RMDN2: variants seen among roughly 807,000 people sequenced by gnomAD.
RMDN2 encodes the protein regulator of microtubule dynamics 2, also known as regulator of microtubule dynamics protein 2.
In RMDN2, 61 loss-of-function variants were observed where a neutral mutation model predicts 52.8. That is an observed-to-expected ratio of 1.16 (90% CI 0.94 to 1.43). The LOEUF (loss-of-function observed/expected upper bound fraction) is 1.43. RMDN2 is among the 40% of genes most tolerant of loss of function. RMDN2 has a pLI of 0.00. For missense variants in RMDN2, 592 were observed against 475.3 expected, an observed-to-expected ratio of 1.25 and a Z score of -2.28; for synonymous variants, 180 against 153.1, an observed-to-expected ratio of 1.18 and a Z score of -1.30.
chr2:37,951,128 C>A, intron 2 of RMDN2: 1 of 1,087,790 alleles, frequency 9.2e-7, no homozygotes, highest in Non-Finnish European at 1.3e-6. Context: ...GAAACAATAC[C>A]AATTGGTGGA....
chr2:37,932,899 TGGCCGG>T (rs1666930630), intron 2 of RMDN2, among the ~76,000 whole-genome samples: 5 of 145,720 alleles, frequency 3.4e-5, no homozygotes, highest in Admixed American at 3.4e-4. Flanking sequence ...ACGGGGCGGC[TGGCCGG>T]GCGGGGGGCT....
chr2:37,960,145 A>G (rs1176554110), intron 2 of RMDN2, among the ~76,000 whole-genome samples: 1 of 152,188 alleles, frequency 6.6e-6, no homozygotes, highest in Non-Finnish European at 1.5e-5. Context: ...AGTTCTGTAG[A>G]TGTCTATTAG....
At chr2:37,951,322 C>G in intron 2 of RMDN2, 1 of 1,612,974 alleles carries the variant, frequency 6.2e-7, no homozygotes, top group Non-Finnish European at 8.5e-7. Flanking sequence ...TCTTCTATTT[C>G]ACAACCAAGT....
At chr2:37,954,993 A>T (rs973762499) in intron 2 of RMDN2, among the ~76,000 whole-genome samples, 2 of 152,104 alleles carry the variant, frequency 1.3e-5, no homozygotes, top group Non-Finnish European at 2.9e-5. Flanking sequence ...TTCTTTCCAG[A>T]TAGCTCATTG....
In RMDN2 at chr2:38,014,560, A is replaced by G. The variant is rs1678477160; in HGVS notation, c.1180-2626A>G. Among the ~76,000 whole-genome samples the G allele has an allele frequency of 2.0e-5, 3 of 152,202 alleles. No homozygotes were observed. In the South Asian group the frequency reaches 6.2e-4, roughly 31 times the overall value. On this transcript the variant is annotated intron_variant, in intron 10 of 10. Transcript: ENST00000354545. Reference sequence around the variant, plus strand: ...CCCAGTCTCATGAAGTTGGTGTGTGATAGTCACTACCCAAATGCTAGGAGA... The same window carrying G: ...CCCAGTCTCATGAAGTTGGTGTGTGGTAGTCACTACCCAAATGCTAGGAGA...
chr2:37,996,552 G>T (rs1675565148), intron 7 of RMDN2, among the ~76,000 whole-genome samples: 1 of 145,034 alleles, frequency 6.9e-6, no homozygotes, highest in Non-Finnish European at 1.5e-5. Context: ...CCGCTGTACG[G>T]TATGATCCAG....
chr2:38,042,596 G>A (rs1258709954), intron 10 of RMDN2, among the ~76,000 whole-genome samples: 1 of 151,548 alleles, frequency 6.6e-6, no homozygotes, highest in Non-Finnish European at 1.5e-5. Flanking sequence ...AGCTTAGATT[G>A]CTGATTTTAG....
chr2:37,949,027 C>T (rs751191755), intron 2 of RMDN2, among the ~76,000 whole-genome samples: 2 of 152,116 alleles, frequency 1.3e-5, no homozygotes, highest in African/African-American at 2.4e-5. Context: ...ATAAGCATTA[C>T]GTATTATGTT....
intron 2 of RMDN2, chr2:37,952,014 C>T: frequency 6.2e-7 from 1 of 1,612,880 alleles, no homozygotes; most frequent in South Asian, 1.1e-5. Flanking sequence ...CATGATTCCA[C>T]AGCATCCCTC....
chr2:38,038,584 A>G (rs943867656), intron 10 of RMDN2, among the ~76,000 whole-genome samples: 7 of 151,982 alleles, frequency 4.6e-5, no homozygotes, highest in Non-Finnish European at 8.8e-5. Flanking sequence ...CATGGTTTGC[A>G]CTCTTTTATA....
At chr2:37,966,928 C>T (rs1671132138) in intron 2 of RMDN2, among the ~76,000 whole-genome samples, 3 of 152,096 alleles carry the variant, frequency 2.0e-5, no homozygotes, top group Admixed American at 2.0e-4. Context: ...GAGCAACATG[C>T]ATTTTACTAA....
chr2:37,976,199 TTC>T (rs1672441033), intron 4 of RMDN2: 2 of 152,232 alleles, frequency 1.3e-5, no homozygotes, highest in African/African-American at 4.8e-5. Context: ...ATCTATACTT[TTC>T]TACAAGTTTT....
At chr2:38,008,658 C>G (rs1211987791) in intron 10 of RMDN2, among the ~76,000 whole-genome samples, 1 of 152,136 alleles carries the variant, frequency 6.6e-6, no homozygotes, top group Admixed American at 6.5e-5. Flanking sequence ...GACTCTTTAT[C>G]CAATTGGCCT....
intron 10 of RMDN2, among the ~76,000 whole-genome samples, chr2:38,042,873 A>C (rs1681050723): frequency 6.6e-6 from 1 of 151,900 alleles, no homozygotes; most frequent in Non-Finnish European, 1.5e-5. Flanking sequence ...TGTTTGTATG[A>C]TTTTTAATTT....
intron 1 of RMDN2, among the ~76,000 whole-genome samples, chr2:37,926,796 C>G (rs963226884): frequency 6.6e-6 from 1 of 152,136 alleles, no homozygotes; most frequent in African/African-American, 2.4e-5. Context: ...ATTAGCCGGG[C>G]GTGGTTGCCC....
At chr2:38,046,720 C>A (rs1004269712) in intron 10 of RMDN2, among the ~76,000 whole-genome samples, 2 of 152,138 alleles carry the variant, frequency 1.3e-5, no homozygotes, top group Non-Finnish European at 2.9e-5. Context: ...TGCGGTGGCT[C>A]ACGCCTATAA....
intron 2 of RMDN2, among the ~76,000 whole-genome samples, chr2:37,941,448 A>G (rs1056289267): frequency 9.2e-5 from 14 of 152,372 alleles, no homozygotes; most frequent in Middle Eastern, 6.8e-3. Context: ...TGCTCTCTTC[A>G]GAGCTGGCAG....
At chr2:38,055,172 G>T (rs77178840) in intron 10 of RMDN2, among the ~76,000 whole-genome samples, 169 of 151,856 alleles carry the variant, frequency 1.1e-3, no homozygotes, top group African/African-American at 4.0e-3. Context: ...TTTCATAGCC[G>T]TCCCCGCTTG....
chr2:38,047,014 G>A (rs1409420276), intron 10 of RMDN2, among the ~76,000 whole-genome samples: 3 of 151,770 alleles, frequency 2.0e-5, no homozygotes, highest in African/African-American at 4.8e-5. Flanking sequence ...CAGAAGATCA[G>A]AAGAAAATGG....
Sources: allele counts gnomAD v4.1 joint callset (sites outside exome capture counted in the v4.1 genomes callset), GRCh38; gene constraint gnomAD v4.1.1; transcripts MANE v1.5; gene names NCBI Gene and HGNC (gene_info 2026-07-23, HGNC 2026-07-21).